MSR1: variants seen among roughly 807,000 people sequenced by gnomAD.
MSR1 encodes the protein macrophage scavenger receptor types I and II.
In MSR1, 53 loss-of-function variants were observed where a neutral mutation model predicts 47.2. The observed-to-expected ratio is 1.12, with a 90% CI of 0.90 to 1.41. MSR1 has a LOEUF of 1.41. MSR1 is among the 40% of genes most tolerant of loss of function. MSR1 has a pLI of 0.00. For missense variants in MSR1, 786 were observed against 546.9 expected (o/e 1.44, Z -4.36); for synonymous variants, 239 against 185.6 (o/e 1.29, Z -2.34).
Position 16,166,935 on chromosome 8 carries a change from G to GAACA in MSR1, c.630+1522_630+1523insTGTT, listed in dbSNP as rs1563162004. Among the ~76,000 whole-genome samples, 93 of 72,078 alleles carry GAACA rather than the reference G, an allele frequency of 1.3e-3. No individual in the cohort carries two copies. The East Asian group carries it at 0.052, about 40-fold the overall frequency. The allele number at this position is 72,078 out of a possible 152,430, so 47.3% of individuals were successfully genotyped here. ...ATGTTGTTTTTCAGTGTACACAGGA[G>GAACA]TACACACACACACACACACACACAC... On this transcript the variant is annotated intron_variant, in intron 4 of 9. Transcript: ENST00000262101.
intron 5 of MSR1, among the ~76,000 whole-genome samples, chr8:16,159,523 C>T (rs1442979258): frequency 6.6e-6 from 1 of 151,830 alleles, no homozygotes; most frequent in Non-Finnish European, 1.5e-5. Flanking sequence ...GAAAAGAGAA[C>T]ACAAAGTAAT....
At chr8:16,117,733 G>A (rs976968671) in intron 9 of MSR1, among the ~76,000 whole-genome samples, 6 of 152,072 alleles carry the variant, frequency 3.9e-5, no homozygotes, top group African/African-American at 1.4e-4. Flanking sequence ...CTGTACATAA[G>A]CAACACACTT....
intron 8 of MSR1, chr8:16,140,381 C>T: frequency 1.0e-6 from 1 of 985,292 alleles, no homozygotes; most frequent in Non-Finnish European, 1.2e-6. Context: ...GCTGATTCCT[C>T]AGTAAAAATC....
At chr8:16,163,771 G>C (rs1408384343) in intron 5 of MSR1, among the ~76,000 whole-genome samples, 1 of 151,732 alleles carries the variant, frequency 6.6e-6, no homozygotes, top group African/African-American at 2.4e-5. Flanking sequence ...GAAGAAACTT[G>C]TAATTACAAA....
At chr8:16,150,140 G>GTGTGTGTATATATA (rs1402495981) in intron 7 of MSR1, 91 bp downstream of exon 7, 8 of 172,632 alleles carry the variant, frequency 4.6e-5, no homozygotes, top group African/African-American at 2.5e-4. Context: ...GTGTGTGTGT[G>GTGTGTGTATATATA]TATATATATA....
chr8:16,138,575 G>A (rs1030121281), intron 8 of MSR1, among the ~76,000 whole-genome samples: 5 of 152,094 alleles, frequency 3.3e-5, no homozygotes, highest in African/African-American at 1.2e-4. Context: ...GATGTCAGAT[G>A]ACTTTTTAAC....
At chr8:16,146,162 C>G (rs1203036927) in intron 7 of MSR1, among the ~76,000 whole-genome samples, 7 of 152,020 alleles carry the variant, frequency 4.6e-5, no homozygotes, top group African/African-American at 1.7e-4. Context: ...GGCCGCCTTT[C>G]CATCCCCCGT....
chr8:16,170,078 G>A lies in MSR1; in HGVS notation c.218-1208C>T, dbSNP rs373197505. Among the ~76,000 whole-genome samples the A allele has an allele frequency of 3.9e-4, 59 of 152,182 alleles. No individual in the cohort carries two copies. The East Asian group carries it at 0.011, about 28-fold the overall frequency. On this transcript the variant is annotated intron_variant, in intron 3 of 9. Transcript: ENST00000262101. ...TTTTATGCAAAAATAGGCCGGGTGC[G>A]TTGGCTCATGCCTGTAATCCCAGCA... is the stretch of plus-strand genomic sequence containing the variant.
At chr8:16,160,497 T>C (rs2117159616) in intron 5 of MSR1, among the ~76,000 whole-genome samples, 1 of 152,152 alleles carries the variant, frequency 6.6e-6, no homozygotes, top group East Asian at 1.9e-4. Context: ...AGGAGAAGAC[T>C]TAACCTCACA....
intron 1 of MSR1, among the ~76,000 whole-genome samples, chr8:16,188,370 C>T (rs1016094773): frequency 4.6e-5 from 7 of 151,920 alleles, no homozygotes; most frequent in African/African-American, 1.7e-4. Context: ...AAATGAAACT[C>T]GAGTCTTTGG....
At chr8:16,129,975 G>T (rs934700870) in intron 8 of MSR1, among the ~76,000 whole-genome samples, 2 of 152,156 alleles carry the variant, frequency 1.3e-5, no homozygotes, top group African/African-American at 4.8e-5. Context: ...GGCTATGGAG[G>T]AAAGGGAAGT....
At chr8:16,130,151 C>T (rs1488340803) in intron 8 of MSR1, among the ~76,000 whole-genome samples, 2 of 152,192 alleles carry the variant, frequency 1.3e-5, no homozygotes, top group African/African-American at 2.4e-5. Flanking sequence ...CAAGTGCTAA[C>T]TGCTGGATCC....
intron 8 of MSR1, among the ~76,000 whole-genome samples, chr8:16,123,533 T>C (rs2117068949): frequency 6.6e-6 from 1 of 151,296 alleles, no homozygotes; most frequent in African/African-American, 2.4e-5. Context: ...CTTTTTTTTT[T>C]TCCATTTGGG....
intron 8 of MSR1, among the ~76,000 whole-genome samples, chr8:16,128,052 G>A (rs1286939960): frequency 6.6e-6 from 1 of 152,092 alleles, no homozygotes; most frequent in East Asian, 1.9e-4. Context: ...AAACAAAAGT[G>A]AAATTGTTCT....
intron 1 of MSR1, among the ~76,000 whole-genome samples, chr8:16,190,093 T>C (rs1802155761): frequency 6.6e-6 from 1 of 151,870 alleles, no homozygotes; most frequent in Non-Finnish European, 1.5e-5. Context: ...TTTGTATTTT[T>C]CACCGCGTTC....
intron 9 of MSR1, among the ~76,000 whole-genome samples, chr8:16,112,330 T>C (rs12676172): frequency 0.1 from 15,496 of 152,194 alleles, 994 homozygotes; most frequent in South Asian, 0.2. Flanking sequence ...CTCCATTTCA[T>C]AGATACATAA....
chr8:16,120,563 G>C lies in MSR1; in HGVS notation c.1077C>G (p.His359Gln). The change falls in exon 9 of 10, where the codon CAC (histidine) becomes CAG (glutamine). Residue 359 changes from histidine (H) to glutamine (Q), a missense_variant. Coordinates refer to ENST00000262101, the MANE Select transcript of MSR1 (RefSeq NM_138715.3). ...TGTGGAGTATCTCCACCCTCCCCTCGTGAGGGCCGCTCCCACCGACCAGTC... is the reference window on the plus strand; with the variant it reads ...TGTGGAGTATCTCCACCCTCCCCTCCTGAGGGCCGCTCCCACCGACCAGTC... ...KVRLVGGSGP[H>Q]EGRVEILHSG... The C allele has an allele frequency of 1.9e-6, 3 of 1,605,034 alleles. No individual in the cohort carries two copies. The highest frequency in any genetic ancestry group is 1.1e-5 in the South Asian group (1 of 90,790).
intron 5 of MSR1, among the ~76,000 whole-genome samples, chr8:16,158,884 C>T (rs116047869): frequency 0.01 from 1,528 of 150,056 alleles, 28 homozygotes; most frequent in African/African-American, 0.035. Context: ...TTTTCCTTTA[C>T]ATAGTGGTTA....
chr8:16,192,547 A>G (rs1802228777), intron 1 of MSR1, 51 bp downstream of exon 1: 1 of 152,068 alleles, frequency 6.6e-6, no homozygotes, highest in Admixed American at 6.6e-5. Context: ...ATAACAATCA[A>G]TAGAAACAAT....
Sources: gnomAD v4.1 joint callset for allele counts (sites outside exome capture counted in the v4.1 genomes callset) on GRCh38, gnomAD v4.1.1 for gene constraint, MANE v1.5 for transcripts, NCBI Gene and HGNC (gene_info 2026-07-23, HGNC 2026-07-21) for gene names.